TANC1: variants seen among roughly 807,000 people sequenced by gnomAD.
The protein encoded by TANC1 is tetratricopeptide repeat, ankyrin repeat and coiled-coil containing 1, also known as protein TANC1.
A neutral mutation model predicts 149.7 loss-of-function variants in TANC1; 77 were observed. That is an observed-to-expected ratio of 0.51 (90% CI 0.43 to 0.62). TANC1 has a LOEUF of 0.62. Ranked by LOEUF, TANC1 falls within the 20% of genes least tolerant of loss-of-function variation. The pLI is 0.00. For synonymous variants in TANC1, 854 were observed against 925.0 expected (o/e 0.92, Z 1.39); for missense variants, 1,985 against 2,321.8 (o/e 0.85, Z 2.98).
Position 159,087,465 on chromosome 2 carries a change from CCGT to C in TANC1, c.62-10171_62-10169del, listed in dbSNP as rs112730622. Among the ~76,000 whole-genome samples the C allele has an allele frequency of 2.9e-4, 11 of 38,326 alleles. 1 individual carries two copies. The highest frequency in any genetic ancestry group is 1.1e-3 in the African/African-American group (11 of 10,378). 25.1% of individuals were successfully genotyped at this position (38,326 alleles called of 152,430 possible). On this transcript the variant is annotated intron_variant, in intron 3 of 26. Coordinates refer to ENST00000263635, the MANE Select transcript of TANC1 (RefSeq NM_033394.3). ...TGTAGATGTTGCTTTTTTTGTTTTT[CCGT>C]TTTTTTTTTTTTTTGTCGTTGTTTG... is the stretch of plus-strand genomic sequence containing the variant.
At position 159,194,581 on chromosome 2, in the gene TANC1, T is replaced by A. The variant is rs2057711947; in HGVS notation, c.2979+88T>A. The A allele has an allele frequency of 2.5e-6, 3 of 1,189,540 alleles. No individual in the cohort carries two copies. In the East Asian group the frequency reaches 7.0e-5, roughly 28 times the overall value. 73.7% of individuals were successfully genotyped at this position (1,189,540 alleles called of 1,614,324 possible). Reference sequence around the variant, plus strand: ...TTGTTATTTGCTGGGCCAGACTCTCTTGTCTCTGAAACCACAGCATACACA... The same window carrying A: ...TTGTTATTTGCTGGGCCAGACTCTCATGTCTCTGAAACCACAGCATACACA... On this transcript the variant is annotated intron_variant, in intron 17 of 26. Transcript: ENST00000263635.
intron 3 of TANC1, among the ~76,000 whole-genome samples, chr2:159,085,958 A>G (rs931422533): frequency 3.9e-5 from 6 of 152,192 alleles, no homozygotes; most frequent in Non-Finnish European, 7.3e-5. Flanking sequence ...AAGTTCGAGG[A>G]TAAGTGGCCT....
intron 4 of TANC1, among the ~76,000 whole-genome samples, chr2:159,133,395 C>T (rs892063021): frequency 2.0e-5 from 3 of 150,604 alleles, no homozygotes; most frequent in Non-Finnish European, 4.4e-5. Context: ...TGCTCTGTCA[C>T]CTTGGCTGGA....
In TANC1 at chr2:159,196,686, C is replaced by T; in HGVS notation, c.3058C>T (p.Leu1020=). ...LRGHGDILQY[L]LTCEWSPGPP... ...GGGCCACGGTGACATTCTCCAGTAC[C>T]TGCTGACTTGTGAGTGGTCGCCGGG... The change falls in exon 18 of 27, where the codon CTG becomes TTG. Residue 1020 remains leucine, a synonymous_variant. Transcript: ENST00000263635. 1 of 1,614,108 alleles carries T rather than the reference C, an allele frequency of 6.2e-7. No individual in the cohort carries two copies. Among genetic ancestry groups the T allele is most frequent in the Middle Eastern group, 1.6e-4 (1 of 6,062 alleles).
intron 4 of TANC1, among the ~76,000 whole-genome samples, chr2:159,122,958 C>G (rs1444959928): frequency 6.6e-6 from 1 of 152,088 alleles, no homozygotes; most frequent in Non-Finnish European, 1.5e-5. Context: ...TTAATGGTCT[C>G]AGTGCAACCT....
chr2:159,181,349 G>A (rs960845892), intron 14 of TANC1, among the ~76,000 whole-genome samples: 2 of 151,010 alleles, frequency 1.3e-5, no homozygotes, highest in African/African-American at 4.9e-5. Context: ...AGGCTAGAGT[G>A]CAGTGGTGTG....
chr2:158,983,475 A>AAAAAAAAAAAAAAAAC, intron 1 of TANC1, among the ~76,000 whole-genome samples: 1 of 151,086 alleles, frequency 6.6e-6, no homozygotes, highest in African/African-American at 2.4e-5. Flanking sequence ...TCCCAAAAAA[A>AAAAAAAAAAAAAAAAC]AAAAAAAAAA....
chr2:159,073,980 T>C (rs2043401880), intron 3 of TANC1, among the ~76,000 whole-genome samples: 1 of 152,152 alleles, frequency 6.6e-6, no homozygotes, highest in Non-Finnish European at 1.5e-5. Flanking sequence ...TACCAACCAG[T>C]TGTCTTGCAG....
At position 159,194,355 on chromosome 2, in the gene TANC1, C is replaced by T. The variant is rs114578876; in HGVS notation, c.2841C>T (p.His947=). Residue 947 remains histidine (H), a synonymous_variant, in exon 17 of 27, where the codon CAC becomes CAT. Transcript: ENST00000263635. The part of the protein sequence containing the change: ...PILCVQSHLG[H]EEVVTLLLEF... ...TGTGCGTCCAGTCTCACCTTGGCCA[C>T]GAGGAAGTTGTCACTCTGCTCCTGG... 5.0e-4 allele frequency: 806 copies of T among 1,614,244 alleles called. No homozygotes were observed. The African/African-American group carries it at 9.8e-3, about 20-fold the overall frequency.
chr2:159,189,338 C>G (rs2057267625), intron 16 of TANC1, among the ~76,000 whole-genome samples: 1 of 152,140 alleles, frequency 6.6e-6, no homozygotes, highest in Admixed American at 6.5e-5. Context: ...TGAGGTGTCC[C>G]TGCTGCTCTG....
intron 4 of TANC1, among the ~76,000 whole-genome samples, chr2:159,117,842 C>A (rs989147983): frequency 4.0e-5 from 6 of 150,210 alleles, no homozygotes. Flanking sequence ...CTCAGACTTT[C>A]CTTGTTTTGA....
chr2:159,174,401 C>T (rs912490866), intron 11 of TANC1, among the ~76,000 whole-genome samples: 3 of 152,094 alleles, frequency 2.0e-5, no homozygotes, highest in African/African-American at 7.2e-5. Context: ...CCCTGTAGAA[C>T]TCCTCCACAG....
chr2:159,169,235 A>G lies in TANC1; in HGVS notation c.947-15A>G. ...GTCACCTTTGAAGATACTAAACTTC[A>G]GTTTAATATTACAGCAACAAGCTCA... On this transcript the variant is annotated splice_polypyrimidine_tract_variant and intron_variant, in intron 8 of 26. Coordinates refer to ENST00000263635, the MANE Select transcript of TANC1 (RefSeq NM_033394.3). The G allele has an allele frequency of 1.2e-6, 2 of 1,610,582 alleles. No homozygotes were observed. Among genetic ancestry groups the G allele is most frequent in the Non-Finnish European group, 8.5e-7 (1 of 1,176,972 alleles).
intron 2 of TANC1, among the ~76,000 whole-genome samples, chr2:159,063,165 G>A (rs930995721): frequency 2.6e-5 from 4 of 152,018 alleles, no homozygotes; most frequent in Non-Finnish European, 5.9e-5. Flanking sequence ...GTCTCTCAGT[G>A]TGAACAGAAC....
rs1175135449 is a variant in TANC1 at position 159,142,303 on chromosome 2, G to A, written c.364+6005G>A. On this transcript the variant is annotated intron_variant, in intron 5 of 26. Coordinates refer to ENST00000263635, the MANE Select transcript of TANC1 (RefSeq NM_033394.3). ...GTACAAAACCCTTTTGTAATAATACGGAGAAGGTATTTACATTTCCCTTTG... is the reference window on the plus strand; with the variant it reads ...GTACAAAACCCTTTTGTAATAATACAGAGAAGGTATTTACATTTCCCTTTG... 2.0e-5 allele frequency among the ~76,000 whole-genome samples: 3 copies of A among 152,128 alleles called. No homozygotes were observed. The East Asian group carries it at 5.8e-4, about 29-fold the overall frequency.
At chr2:159,044,641 A>G (rs905614009) in intron 2 of TANC1, among the ~76,000 whole-genome samples, 2 of 152,086 alleles carry the variant, frequency 1.3e-5, no homozygotes, top group African/African-American at 4.8e-5. Flanking sequence ...CTGGCTATTT[A>G]TGCCTAGCTG....
chr2:159,214,930 G>C (rs544161290), intron 19 of TANC1, among the ~76,000 whole-genome samples: 1 of 152,272 alleles, frequency 6.6e-6, no homozygotes, highest in South Asian at 2.1e-4. Context: ...GGAATAGGGC[G>C]TGGAACATTC....
intron 4 of TANC1, among the ~76,000 whole-genome samples, chr2:159,127,497 C>T (rs765545296): frequency 6.6e-5 from 10 of 152,200 alleles, no homozygotes; most frequent in Non-Finnish European, 1.3e-4. Flanking sequence ...TCTGTAAAGA[C>T]GTGCACACGT....
chr2:159,046,496 C>G (rs1337955345), intron 2 of TANC1, among the ~76,000 whole-genome samples: 1 of 151,326 alleles, frequency 6.6e-6, no homozygotes, highest in Non-Finnish European at 1.5e-5. Context: ...TAGTCCTTGA[C>G]ATGACTTTTC....
Sources: gnomAD v4.1 joint callset for allele counts (sites outside exome capture counted in the v4.1 genomes callset) on GRCh38, gnomAD v4.1.1 for gene constraint, MANE v1.5 for transcripts, NCBI Gene and HGNC (gene_info 2026-07-23, HGNC 2026-07-21) for gene names.